The following RCC1L variants were observed in gnomAD, a reference collection of about 807,000 sequenced individuals.
The protein encoded by RCC1L is RCC1-like G exchanging factor-like protein.
Under a neutral mutation model 58.6 loss-of-function variants are expected in RCC1L, and 46 were observed. The observed-to-expected ratio is 0.79, with a 90% CI of 0.62 to 1.00. The LOEUF is 1.00. RCC1L is among the 50% of genes least tolerant of loss of function. RCC1L has a pLI of 0.00. For synonymous variants in RCC1L, 281 were observed against 262.9 expected (o/e 1.07, Z -0.67); for missense variants, 636 against 623.6 (o/e 1.02, Z -0.21).
chr7:75,034,041 C>T (rs1383519861), intron 10 of RCC1L, among the ~76,000 whole-genome samples: 7 of 151,938 alleles, frequency 4.6e-5, no homozygotes, highest in African/African-American at 9.7e-5. Flanking sequence ...AAATATGCAC[C>T]GAAAGGGAAT....
chr7:75,073,671 G>T lies in RCC1L; in HGVS notation c.67C>A (p.Arg23=), dbSNP rs181724464. The T allele has an allele frequency of 2.0e-3, 2,998 of 1,485,346 alleles. 61 individuals are homozygous for T. The African/African-American group carries it at 0.036, about 18-fold the overall frequency. 92.0% of individuals were successfully genotyped at this position (1,485,346 alleles called of 1,614,324 possible). ...GRRLSGPGLG[R]GHWTAAGRSR... is the part of the protein sequence containing the mutation. The stretch of plus-strand genomic sequence containing the variant: ...CGCCCGGCCGCCGTCCAGTGCCCTC[G>T]CCCCAGCCCCGGCCCGCTCAGCCGC... Residue 23 remains arginine (R), a synonymous_variant, in exon 1 of 11, where the codon CGA becomes AGA. Coordinates refer to ENST00000610322, the MANE Select transcript of RCC1L (RefSeq NM_030798.5).
Position 75,056,110 on chromosome 7 carries a change from T to C in RCC1L, c.1058-36A>G, listed in dbSNP as rs1554443913. On this transcript the variant is annotated intron_variant, in intron 8 of 10. Transcript: ENST00000610322. ...GTAAAAACAAGGGTCAGTAAGTCCA[T>C]CCAAGTAAGAACCTCCCTCACCAGA... The C allele has an allele frequency of 1.9e-6, 3 of 1,612,830 alleles. No homozygotes were observed. In the Admixed American group the frequency reaches 5.0e-5, roughly 27 times the overall value.
intron 6 of RCC1L, 141 bp downstream of exon 6, chr7:75,061,066 A>G (rs1806261601): frequency 2.5e-6 from 2 of 785,544 alleles, no homozygotes; most frequent in Non-Finnish European, 4.6e-6. Flanking sequence ...GGAGCCAAGA[A>G]TAGTGTTCCT....
chr7:75,073,564 G>C lies in RCC1L; in HGVS notation c.174C>G (p.Ala58=), dbSNP rs782088960. 6.6e-7 allele frequency: 1 copy of C among 1,507,400 alleles called. No individual in the cohort carries two copies. The highest frequency in any genetic ancestry group is 2.3e-5 in the Admixed American group (1 of 43,032). 93.4% of individuals were successfully genotyped at this position (1,507,400 alleles called of 1,614,324 possible). Reference sequence around the variant, plus strand: ...TGAAGCCCCACACGAAGACGCGATCGGCGCGGGCAGCGCGCTCGCCCACGT... The same window carrying C: ...TGAAGCCCCACACGAAGACGCGATCCGCGCGGGCAGCGCGCTCGCCCACGT... ...VQYVGERAAR[A]DRVFVWGFSF... Residue 58 remains alanine, a synonymous_variant, in exon 1 of 11, where the codon GCC becomes GCG. Coordinates refer to ENST00000610322, the MANE Select transcript of RCC1L (RefSeq NM_030798.5).
At chr7:75,065,463 G>C (rs587748243) in intron 3 of RCC1L, among the ~76,000 whole-genome samples, 1 of 152,136 alleles carries the variant, frequency 6.6e-6, no homozygotes, top group Non-Finnish European at 1.5e-5. Context: ...ACTGAGGCAG[G>C]AGAATCACCT....
At chr7:75,072,138 T>TTATACATATACA (rs1222011001) in intron 1 of RCC1L, among the ~76,000 whole-genome samples, 2 of 76,326 alleles carry the variant, frequency 2.6e-5, no homozygotes, top group Non-Finnish European at 5.4e-5. Flanking sequence ...TATTTTAAAT[T>TTATACATATACA]TATACATATA....
At chr7:75,027,332 T>G (rs1805164108) in exon 11 of RCC1L, 1 of 152,730 alleles carries the variant, frequency 6.5e-6, no homozygotes, top group Non-Finnish European at 1.5e-5. Flanking sequence ...GCGCCCTTAT[T>G]TGGGGGGATG....
At chr7:75,051,681 G>A (rs1211302872) in intron 10 of RCC1L, among the ~76,000 whole-genome samples, 1 of 152,150 alleles carries the variant, frequency 6.6e-6, no homozygotes, top group African/African-American at 2.4e-5. Flanking sequence ...CAAGCGCTGG[G>A]ATTACAGGTG....
intron 10 of RCC1L, among the ~76,000 whole-genome samples, chr7:75,049,636 C>A (rs1169184857): frequency 6.6e-6 from 1 of 151,510 alleles, no homozygotes; most frequent in Non-Finnish European, 1.5e-5. Flanking sequence ...ACACCATACT[C>A]CAGCCTGGGC....
At chr7:75,058,464 C>A (rs1806153910) in intron 7 of RCC1L, 124 bp downstream of exon 7, 14 of 1,299,838 alleles carry the variant, frequency 1.1e-5, no homozygotes, top group African/African-American at 1.5e-5. Context: ...CTCCTGACCT[C>A]AAGCCATCTG....
In RCC1L at chr7:75,042,452, G is replaced by A. The variant is rs989176434; in HGVS notation, c.*580C>T. The A allele has an allele frequency of 1.1e-5, 11 of 987,052 alleles. No individual in the cohort carries two copies. Among genetic ancestry groups the A allele is most frequent in the South Asian group, 4.7e-5 (1 of 21,394 alleles). 61.1% of individuals were successfully genotyped at this position (987,052 alleles called of 1,614,324 possible). ...GTGGGAGGCTGGGGCTGGTGCCTGC[G>A]GACAGCTCCAGATGGAATCCCAGGC... On this transcript the variant is annotated 3_prime_UTR_variant, in exon 11 of 11. Coordinates refer to ENST00000610322, the MANE Select transcript of RCC1L (RefSeq NM_030798.5).
intron 9 of RCC1L, among the ~76,000 whole-genome samples, chr7:75,053,050 T>TGGGGCAGGGGGC (rs1231215060): frequency 1.3e-4 from 9 of 71,122 alleles, no homozygotes; most frequent in South Asian, 4.8e-4. Context: ...CAAATGAAGA[T>TGGGGCAGGGGGC]GGGGCAGGGG....
intron 1 of RCC1L, among the ~76,000 whole-genome samples, chr7:75,072,788 C>A (rs1416394553): frequency 2.0e-5 from 3 of 152,112 alleles, no homozygotes; most frequent in African/African-American, 7.2e-5. Flanking sequence ...ACCAGTCTAG[C>A]AAACATGGCG....
chr7:75,051,181 ATATATATATATATATTT>A (rs1805893448), intron 10 of RCC1L, among the ~76,000 whole-genome samples: 119 of 142,538 alleles, frequency 8.3e-4, no homozygotes, highest in African/African-American at 3.0e-3. Context: ...TGGAAAAAAT[ATATATATATATATATTT>A]AATATATATA....
In RCC1L at chr7:75,061,239, T is replaced by C. The variant is rs1029147954; in HGVS notation, c.755A>G (p.Tyr252Cys). Residue 252 changes from tyrosine to cysteine, a missense_variant, in exon 6 of 11, where the codon TAT (tyrosine) becomes TGT (cysteine). Transcript: ENST00000610322. ...CCCATCAGCACCCCATCCACAAGAA[T>C]AGACTTCTCCTTTATCCGTCAGGAA... ...SLFLTDKGEV[Y>C]SCGWGADGQT... 1.5e-5 allele frequency: 25 copies of C among 1,613,764 alleles called. No individual in the cohort carries two copies. The highest frequency in any genetic ancestry group is 9.9e-5 in the South Asian group (9 of 91,064).
chr7:75,073,599 C>CG lies in RCC1L; in HGVS notation c.138dup (p.Val47ArgfsTer78). The CG allele has an allele frequency of 6.5e-7, 1 of 1,528,362 alleles. No individual in the cohort carries two copies. Among genetic ancestry groups the CG allele is most frequent in the Non-Finnish European group, 8.7e-7 (1 of 1,148,722 alleles). 94.7% of individuals were successfully genotyped at this position (1,528,362 alleles called of 1,614,324 possible). A position where few individuals can be genotyped will look rare whatever the true frequency, so the allele number is the denominator to read the frequency against. ...GCGCGCTCGCCCACGTACTGGACCA[C>CG]GGGCACCTCCGCCTCGGCTTCTGCC... is the stretch of plus-strand genomic sequence containing the variant. On this transcript the variant is annotated frameshift_variant, in exon 1 of 11. Coordinates refer to ENST00000610322, the MANE Select transcript of RCC1L (RefSeq NM_030798.5). LOFTEE classifies it high-confidence loss of function.
chr7:75,046,093 G>A (rs970054233), intron 10 of RCC1L, among the ~76,000 whole-genome samples: 2 of 152,210 alleles, frequency 1.3e-5, no homozygotes, highest in African/African-American at 2.4e-5. Flanking sequence ...TTGCACCTAC[G>A]CCAGGAGACA....
intron 4 of RCC1L, among the ~76,000 whole-genome samples, chr7:75,063,782 C>A (rs1334746079): frequency 6.6e-6 from 1 of 151,806 alleles, no homozygotes; most frequent in South Asian, 2.1e-4. Flanking sequence ...TAGCCAAGTG[C>A]GGTGGCGGAC....
intron 8 of RCC1L, chr7:75,056,857 T>C: frequency 1.1e-6 from 1 of 915,600 alleles, no homozygotes; most frequent in Non-Finnish European, 1.7e-6. Flanking sequence ...CTCACCGTGT[T>C]GCCCAGTGCA....
Sources: gnomAD v4.1 joint callset for allele counts (sites outside exome capture counted in the v4.1 genomes callset) on GRCh38, gnomAD v4.1.1 for gene constraint, MANE v1.5 for transcripts, NCBI Gene and HGNC (gene_info 2026-07-23, HGNC 2026-07-21) for gene names.